Variants in VPS13C observed in about 807,000 individuals in gnomAD.
The protein encoded by VPS13C is vacuolar protein sorting 13 homolog C.
In VPS13C, 358 loss-of-function variants were observed where a neutral mutation model predicts 456.8. The observed-to-expected ratio is 0.78, with a 90% CI of 0.72 to 0.86. VPS13C has a LOEUF of 0.86. VPS13C is among the 40% of genes least tolerant of loss of function. The pLI is 0.00. For missense variants in VPS13C, 4,818 were observed against 4,385.4 expected, an observed-to-expected ratio of 1.10 and a Z score of -2.79; for synonymous variants, 1,578 against 1,486.7, an observed-to-expected ratio of 1.06 and a Z score of -1.41.
chr15:61,907,018 G>A, intron 66 of VPS13C: 1 of 390,496 alleles, frequency 2.6e-6, no homozygotes, highest in South Asian at 3.0e-5. Flanking sequence ...AATTAAAAAG[G>A]TGCTTTACAT....
chr15:61,900,225 C>A (rs1158254523), intron 66 of VPS13C, among the ~76,000 whole-genome samples: 1 of 152,174 alleles, frequency 6.6e-6, no homozygotes, highest in African/African-American at 2.4e-5. Flanking sequence ...CCCTCTCTCA[C>A]CACTCCTATT....
intron 32 of VPS13C, 94 bp from the exon 33 acceptor site, chr15:61,962,946 T>C (rs2045260099): frequency 1.1e-6 from 1 of 936,850 alleles, no homozygotes; most frequent in African/African-American, 1.7e-5. Flanking sequence ...GGTGACTTTT[T>C]TAAATTTAGC....
At chr15:61,863,402 T>G (rs756292142) in intron 82 of VPS13C, 38 bp downstream of exon 82, 1 of 1,517,970 alleles carries the variant, frequency 6.6e-7, no homozygotes. Context: ...CCTATGCAAC[T>G]AAGTACTATT....
Position 62,060,325 on chromosome 15 carries a change from T to C in VPS13C, c.50A>G (p.Asp17Gly), listed in dbSNP as rs1464137000. 17 of 1,606,900 alleles carry C rather than the reference T, an allele frequency of 1.1e-5. No homozygotes were observed. Among genetic ancestry groups the C allele is most frequent in the East Asian group, 2.3e-5 (1 of 44,292 alleles). The change falls in exon 1 of 85, where the codon GAC (aspartate) becomes GGC (glycine). Residue 17 changes from aspartate (D) to glycine (G), a missense_variant. Coordinates refer to ENST00000644861, the MANE Select transcript of VPS13C (RefSeq NM_020821.3). Reference protein sequence around the residue: ...VADLLNRFLGDYVENLNKSQL... With the variant: ...VADLLNRFLGGYVENLNKSQL... ...GGACTTGTTCAGGTTCTCCACATAG[T>C]CCCCCAGGAAGCGGTTCAGCAAGTC...
chr15:61,877,064 GA>G lies in VPS13C; in HGVS notation c.10143-11del, dbSNP rs1219978144. 2.8e-5 allele frequency: 44 copies of G among 1,585,200 alleles called. No individual in the cohort carries two copies. Among genetic ancestry groups the G allele is most frequent in the African/African-American group, 6.8e-5 (5 of 73,480 alleles). On this transcript the variant is annotated splice_polypyrimidine_tract_variant and intron_variant, in intron 74 of 84. Transcript: ENST00000644861. ...TTCATAATAAGCAAGTCTGGGAGGAGAAAAAGGAAAGATTCAAAGATACTAA... is the reference window on the plus strand; with the variant it reads ...TTCATAATAAGCAAGTCTGGGAGGAGAAAAGGAAAGATTCAAAGATACTAA...
Position 61,869,581 on chromosome 15 carries a change from C to T in VPS13C, c.10667G>A (p.Gly3556Glu), listed in dbSNP as rs1894862150. 6.2e-7 allele frequency: 1 copy of T among 1,614,030 alleles called. No homozygotes were observed. Among genetic ancestry groups the T allele is most frequent in the Non-Finnish European group, 8.5e-7 (1 of 1,180,024 alleles). ...GGCCACAGCACCCACAAGCCCTTTT[C>T]CAATTCCTTTAAAGAATCCAGCAGC... is the stretch of plus-strand genomic sequence containing the variant. Reference protein sequence around the residue: ...EGAAGFFKGIGKGLVGAVARP... With the variant: ...EGAAGFFKGIEKGLVGAVARP... The change falls in exon 80 of 85, where the codon GGA becomes GAA. Residue 3556 changes from glycine (G) to glutamate (E), a missense_variant. Transcript: ENST00000644861.
chr15:61,967,230 G>GAAAAAAAAAAAAAAAAA, intron 29 of VPS13C, 138 bp downstream of exon 29: 1 of 708,246 alleles, frequency 1.4e-6, no homozygotes, highest in South Asian at 1.9e-5. Context: ...GTGTACAAAT[G>GAAAAAAAAAAAAAAAAA]AAAAAAGAAA....
intron 47 of VPS13C, among the ~76,000 whole-genome samples, chr15:61,937,686 G>T (rs2044274268): frequency 6.6e-6 from 1 of 152,170 alleles, no homozygotes; most frequent in Admixed American, 6.5e-5. Context: ...ATGTTAGCCA[G>T]GATGGTCTCG....
At chr15:62,028,502 T>C (rs143462352) in intron 5 of VPS13C, 82 bp from the exon 6 acceptor site, 1 of 1,315,028 alleles carries the variant, frequency 7.6e-7, no homozygotes, top group African/African-American at 1.5e-5. Flanking sequence ...TATACCTAAA[T>C]TTAATTTCAT....
Position 61,927,006 on chromosome 15 carries a change from G to A in VPS13C, c.6516+85C>T, listed in dbSNP as rs1399863385. The A allele has an allele frequency of 5.0e-6, 6 of 1,193,310 alleles. No individual in the cohort carries two copies. The African/African-American group carries it at 7.6e-5, about 15-fold the overall frequency. The allele number at this position is 1,193,310 out of a possible 1,614,324, so 73.9% of individuals were successfully genotyped here. A position where few individuals can be genotyped will look rare whatever the true frequency, so the allele number is the denominator to read the frequency against. ...ACAATAAATAATCTCTAAAGTCCCT[G>A]CAGAGCTCTCATATTCTAGGATTCT... On this transcript the variant is annotated intron_variant, in intron 52 of 84. Transcript: ENST00000644861.
chr15:62,002,595 A>G (rs1462910578), intron 15 of VPS13C, among the ~76,000 whole-genome samples: 1 of 152,154 alleles, frequency 6.6e-6, no homozygotes, highest in Non-Finnish European at 1.5e-5. Flanking sequence ...GTCCTTGTCC[A>G]TGCCTATGTC....
chr15:61,915,946 A>G lies in VPS13C; in HGVS notation c.8132T>C (p.Met2711Thr), dbSNP rs868374549. Residue 2711 changes from methionine to threonine, a missense_variant, in exon 61 of 85, where the codon ATG becomes ACG. Met to Thr is a moderately conservative substitution (Grantham distance 81). Around this residue, in one of 3 missense-constraint regions of VPS13C, gnomAD observed 4,552 missense variants for 4,130.6 expected, o/e 1.10. Coordinates refer to ENST00000644861, the MANE Select transcript of VPS13C (RefSeq NM_020821.3). ...VLHSRISGEI[M>T]ELVLVKYQGK... ...CTGGTATTTCACCAGGACTAATTCC[A>G]TTATTTCACCACTGATTCTCGAATG... The G allele has an allele frequency of 4.3e-6, 7 of 1,613,766 alleles. No individual in the cohort carries two copies. In the African/African-American group the frequency reaches 8.0e-5, roughly 18 times the overall value.
rs542561250 is a variant in VPS13C at position 62,006,025 on chromosome 15, G to C, written c.1290+1283C>G. ...GGCCGTGTTTCTACCTTTTAAAAGG[G>C]AGTACATAAGACCTCTTCTTTCCCG... On this transcript the variant is annotated intron_variant, in intron 15 of 84. Transcript: ENST00000644861. Among the ~76,000 whole-genome samples, 2 of 151,776 alleles carry C rather than the reference G, an allele frequency of 1.3e-5. 1 individual carries two copies. Among genetic ancestry groups the C allele is most frequent in the South Asian group, 4.2e-4 (2 of 4,804 alleles).
rs1567101625 is a variant in VPS13C at position 62,007,320 on chromosome 15, C to G, written c.1278G>C (p.Gln426His). 1 of 1,605,942 alleles carries G rather than the reference C, an allele frequency of 6.2e-7. No individual in the cohort carries two copies. The highest frequency in any genetic ancestry group is 1.3e-5 in the African/African-American group (1 of 74,744). The change falls in exon 15 of 85, where the codon CAG (glutamine) becomes CAC (histidine). Residue 426 changes from glutamine (Q) to histidine (H), a missense_variant. Around this residue, in one of 3 missense-constraint regions of VPS13C, gnomAD observed 4,552 missense variants for 4,130.6 expected, o/e 1.10. Coordinates refer to ENST00000644861, the MANE Select transcript of VPS13C (RefSeq NM_020821.3). ...ATGCAAGATATACCTGAATTTCTTT[C>G]TGTATTTCTTCTGAGACTTTAGACT... ...LTQSKVSEEI[Q>H]KEIQDLEKTL...
At chr15:61,927,905 A>G (rs1264035823) in intron 51 of VPS13C, among the ~76,000 whole-genome samples, 1 of 152,192 alleles carries the variant, frequency 6.6e-6, no homozygotes, top group African/African-American at 2.4e-5. Flanking sequence ...ACATGGATGA[A>G]GCTGGAAACC....
chr15:61,982,490 C>A lies in VPS13C; in HGVS notation c.1998G>T (p.Lys666Asn). Reference sequence around the variant, plus strand: ...CTGTTCTCTCCTTAATTTCTTCCAGCTTCATCAATGTTGCTGATGTTATTT... The same window carrying A: ...CTGTTCTCTCCTTAATTTCTTCCAGATTCATCAATGTTGCTGATGTTATTT... ...LEQITSATLMKLEEIKERTAT... is the reference protein window; with the variant it reads ...LEQITSATLMNLEEIKERTAT... The change falls in exon 21 of 85, where the codon AAG becomes AAT. Residue 666 changes from lysine (K) to asparagine (N), a missense_variant. This residue lies in a region of VPS13C where 4,552 missense variants were observed against 4,130.6 expected (regional missense o/e 1.10). Transcript: ENST00000644861. The A allele has an allele frequency of 6.2e-7, 1 of 1,608,730 alleles. No individual in the cohort carries two copies. The highest frequency in any genetic ancestry group is 8.5e-7 in the Non-Finnish European group (1 of 1,178,178).
rs770003349 is a variant in VPS13C at position 62,060,301 on chromosome 15, G to C, written c.74C>G (p.Ser25Cys). ...GCCCCAGATGCCCAGCTTCAGCTGG[G>C]ACTTGTTCAGGTTCTCCACATAGTC... ...LGDYVENLNK[S>C]QLKLGIWGGN... Residue 25 changes from serine to cysteine, a missense_variant, in exon 1 of 85, where the codon TCC (serine) becomes TGC (cysteine). Transcript: ENST00000644861. 4.4e-6 allele frequency: 7 copies of C among 1,607,122 alleles called. No individual in the cohort carries two copies. In the South Asian group the frequency reaches 7.8e-5, roughly 18 times the overall value.
At position 61,868,674 on chromosome 15, in the gene VPS13C, G is replaced by C; in HGVS notation, c.10848C>G (p.Gly3616=). 1 of 1,614,012 alleles carries C rather than the reference G, an allele frequency of 6.2e-7. No individual in the cohort carries two copies. The highest frequency in any genetic ancestry group is 8.5e-7 in the Non-Finnish European group (1 of 1,179,972). Residue 3616 remains glycine, a synonymous_variant, in exon 81 of 85, where the codon GGC becomes GGG. Transcript: ENST00000644861. The part of the protein sequence containing the change: ...IRPYDRQESE[G]SDLLENHIKK... ...CAAAATTTACCTCAAGTAAGTCAGA[G>C]CCCTCAGATTCCTGTCTGTCATAAG... is the stretch of plus-strand genomic sequence containing the variant.
intron 3 of VPS13C, among the ~76,000 whole-genome samples, chr15:62,036,380 T>C (rs1267769603): frequency 1.3e-5 from 2 of 152,016 alleles, no homozygotes; most frequent in African/African-American, 4.8e-5. Flanking sequence ...TAAGACAGAA[T>C]ATTTGGGGTC....
Sources: gnomAD v4.1 joint callset for allele counts (sites outside exome capture counted in the v4.1 genomes callset) on GRCh38, gnomAD v4.1.1 for gene constraint, gnomAD v4.1.1 regional missense constraint, MANE v1.5 for transcripts, NCBI Gene and HGNC (gene_info 2026-07-23, HGNC 2026-07-21) for gene names.